The following MTF1 variants were observed in gnomAD, a reference collection of about 807,000 sequenced individuals.
MTF1 encodes metal regulatory transcription factor 1.
A neutral mutation model predicts 70.4 loss-of-function variants in MTF1; 22 were observed. The ratio of observed to expected loss-of-function variants is 0.31; its 90% CI spans 0.22 to 0.45. The LOEUF (loss-of-function observed/expected upper bound fraction) is 0.45. Among genes scored for constraint, MTF1 ranks in the 20% least tolerant of loss-of-function variants. The pLI is 1.00. For missense variants in MTF1, 649 were observed against 922.0 expected, an observed-to-expected ratio of 0.70 and a Z score of 3.83; for synonymous variants, 333 against 352.8, an observed-to-expected ratio of 0.94 and a Z score of 0.63.
At chr1:37,856,170 C>CTTTTTTTTT (rs869062644) in intron 2 of MTF1, among the ~76,000 whole-genome samples, 6 of 74,156 alleles carry the variant, frequency 8.1e-5, no homozygotes, top group East Asian at 4.5e-4. Flanking sequence ...CCTGAATTTC[C>CTTTTTTTTT]TTTTTTTTTT....
At chr1:37,838,377 T>C (rs1641202432) in intron 4 of MTF1, among the ~76,000 whole-genome samples, 1 of 152,130 alleles carries the variant, frequency 6.6e-6, no homozygotes, top group South Asian at 2.1e-4. Flanking sequence ...TTTCAACAAA[T>C]GCTTCTTGGA....
Position 37,815,221 on chromosome 1 carries a change from A to T in MTF1, c.2177T>A (p.Leu726Gln). 1 of 1,614,152 alleles carries T rather than the reference A, an allele frequency of 6.2e-7. No individual in the cohort carries two copies. The highest frequency in any genetic ancestry group is 8.5e-7 in the Non-Finnish European group (1 of 1,180,032). Reference sequence around the variant, plus strand: ...GGGAATCAGATTGGACGGGGTGTCCAGGCTCTGGAGGGATAGAAACTCTGA... The same window carrying T: ...GGGAATCAGATTGGACGGGGTGTCCTGGCTCTGGAGGGATAGAAACTCTGA... ...DVSEFLSLQS[L>Q]DTPSNLIPIE... Residue 726 changes from leucine to glutamine, a missense_variant, in exon 11 of 11, where the codon CTG (leucine) becomes CAG (glutamine). By Grantham distance (113) the Leu-to-Gln change is moderately radical. This residue lies in a region of MTF1 where 138 missense variants were observed against 134.4 expected (regional missense o/e 1.03). Coordinates refer to ENST00000373036, the MANE Select transcript of MTF1 (RefSeq NM_005955.3). This position sits in a 1 kb window ranked among gnomAD's most constrained non-coding sequence, Gnocchi z 4.5.
At chr1:37,831,071 T>C (rs1330001342) in intron 7 of MTF1, among the ~76,000 whole-genome samples, 1 of 152,236 alleles carries the variant, frequency 6.6e-6, no homozygotes, top group East Asian at 1.9e-4. Flanking sequence ...CTTGCAAGCC[T>C]ACCCAGTGCC....
Position 37,822,504 on chromosome 1 carries a change from G to A in MTF1, c.1384C>T (p.Pro462Ser), listed in dbSNP as rs775737738. Residue 462 changes from proline to serine, a missense_variant, in exon 9 of 11, where the codon CCT (proline) becomes TCT (serine). Pro to Ser is a moderately conservative substitution (Grantham distance 74). This residue lies in a region of MTF1 where 267 missense variants were observed against 292.1 expected (regional missense o/e 0.91). Coordinates refer to ENST00000373036, the MANE Select transcript of MTF1 (RefSeq NM_005955.3). ...GSQQAAFGNPPALLQPPEVPV... is the reference protein window; with the variant it reads ...GSQQAAFGNPSALLQPPEVPV... The stretch of plus-strand genomic sequence containing the variant: ...ACTTCTGGAGGTTGTAAGAGAGCAG[G>A]GGGGTTGCCAAATGCAGCTTGCTGG... The A allele has an allele frequency of 1.2e-6, 2 of 1,614,136 alleles. No homozygotes were observed. The highest frequency in any genetic ancestry group is 1.7e-6 in the Non-Finnish European group (2 of 1,180,034).
intron 10 of MTF1, among the ~76,000 whole-genome samples, chr1:37,817,203 A>C (rs1569842804): frequency 6.6e-6 from 1 of 152,248 alleles, no homozygotes; most frequent in Admixed American, 6.5e-5. Context: ...GTTACTAGTT[A>C]AAGAATGTTA....
Position 37,809,998 on chromosome 1 carries a change from T to A in MTF1, c.*5138A>T, listed in dbSNP as rs946621264. On this transcript the variant is annotated 3_prime_UTR_variant, in exon 11 of 11. Coordinates refer to ENST00000373036, the MANE Select transcript of MTF1 (RefSeq NM_005955.3). ...ATCTGAGCCAGAAATTCAGCAAAAA[T>A]CTGTTTCCAGCCACCCTCCCCAAAT... is the stretch of plus-strand genomic sequence containing the variant. 6.6e-6 allele frequency: 1 copy of A among 152,416 alleles called. No homozygotes were observed. The highest frequency in any genetic ancestry group is 2.4e-5 in the African/African-American group (1 of 41,484). The allele number at this position is 152,416 out of a possible 1,614,324, so 9.4% of individuals were successfully genotyped here. A position where few individuals can be genotyped will look rare whatever the true frequency, so the allele number is the denominator to read the frequency against.
chr1:37,815,463 C>G lies in MTF1; in HGVS notation c.1935G>C (p.Arg645=). ...QCACRDSAKE[R]ASSRRKGCSS... ...AGCAGCCCTTTCTCCTGCTGGATGC[C>G]CGCTCCTTTGCAGAGTCCCGGCATG... Residue 645 remains arginine (R), a synonymous_variant, in exon 11 of 11, where the codon CGG becomes CGC. Transcript: ENST00000373036. This position sits in a 1 kb window ranked among gnomAD's most constrained non-coding sequence, Gnocchi z 4.5. 6.2e-7 allele frequency: 1 copy of G among 1,604,994 alleles called. No homozygotes were observed. The highest frequency in any genetic ancestry group is 2.2e-5 in the East Asian group (1 of 44,784).
At chr1:37,817,753 C>T (rs1216339753) in intron 9 of MTF1, among the ~76,000 whole-genome samples, 3 of 152,208 alleles carry the variant, frequency 2.0e-5, no homozygotes, top group Non-Finnish European at 4.4e-5. Flanking sequence ...CCAAAGGCTC[C>T]TCCTCCTCCA....
intron 2 of MTF1, among the ~76,000 whole-genome samples, chr1:37,841,900 T>C (rs747531936): frequency 1.3e-5 from 2 of 151,980 alleles, no homozygotes; most frequent in Non-Finnish European, 2.9e-5. Context: ...CAGCCGAGCA[T>C]GGTGACACAT....
intron 6 of MTF1, among the ~76,000 whole-genome samples, chr1:37,834,404 G>A (rs1261157136): frequency 6.6e-6 from 1 of 150,944 alleles, no homozygotes; most frequent in East Asian, 1.9e-4. Flanking sequence ...TGAGACAGAG[G>A]GTGGGGGCGG....
chr1:37,845,847 T>C (rs1641324111), intron 2 of MTF1, among the ~76,000 whole-genome samples: 1 of 152,134 alleles, frequency 6.6e-6, no homozygotes, highest in South Asian at 2.1e-4. Flanking sequence ...CAGTTGACTG[T>C]CAAAGCAAAT....
At position 37,815,207 on chromosome 1, in the gene MTF1, T is replaced by A. The variant is rs1437169784; in HGVS notation, c.2191A>T (p.Asn731Tyr). 1.9e-6 allele frequency: 3 copies of A among 1,614,046 alleles called. No individual in the cohort carries two copies. Among genetic ancestry groups the A allele is most frequent in the Non-Finnish European group, 2.5e-6 (3 of 1,180,032 alleles). Residue 731 changes from asparagine to tyrosine, a missense_variant, in exon 11 of 11, where the codon AAT becomes TAT. Asn to Tyr is a moderately radical substitution (Grantham distance 143). Coordinates refer to ENST00000373036, the MANE Select transcript of MTF1 (RefSeq NM_005955.3). The surrounding 1 kb of genome is among the most constrained non-coding windows in gnomAD (Gnocchi z 4.5). Reference sequence around the variant, plus strand: ...AGTAGTGCTTCAATGGGAATCAGATTGGACGGGGTGTCCAGGCTCTGGAGG... The same window carrying A: ...AGTAGTGCTTCAATGGGAATCAGATAGGACGGGGTGTCCAGGCTCTGGAGG... The part of the protein sequence containing the change: ...LSLQSLDTPS[N>Y]LIPIEALLQG...
chr1:37,849,607 T>C (rs1641384246), intron 2 of MTF1, among the ~76,000 whole-genome samples: 1 of 152,120 alleles, frequency 6.6e-6, no homozygotes, highest in Non-Finnish European at 1.5e-5. Flanking sequence ...CAGTTAGCCA[T>C]GGAGGATACA....
In MTF1 at chr1:37,811,404, A is replaced by G. The variant is rs1251444493; in HGVS notation, c.*3732T>C. On this transcript the variant is annotated 3_prime_UTR_variant, in exon 11 of 11. Coordinates refer to ENST00000373036, the MANE Select transcript of MTF1 (RefSeq NM_005955.3). ...TGGGACAACGACCATCAAGCTACAC[A>G]TATTGCACCAAGGTAAGTGCTTTTC... 1.3e-5 allele frequency: 2 copies of G among 152,692 alleles called. No individual in the cohort carries two copies. The highest frequency in any genetic ancestry group is 2.9e-5 in the Non-Finnish European group (2 of 68,054). The allele number at this position is 152,692 out of a possible 1,614,324, so 9.5% of individuals were successfully genotyped here.
At chr1:37,818,836 T>C (rs1640863461) in intron 9 of MTF1, among the ~76,000 whole-genome samples, 1 of 146,130 alleles carries the variant, frequency 6.8e-6, no homozygotes, top group African/African-American at 2.6e-5. Context: ...CTACTAAAAA[T>C]ACAAAAATTA....
At chr1:37,841,119 A>G in intron 2 of MTF1, 1 of 164,848 alleles carries the variant, frequency 6.1e-6, no homozygotes. Context: ...CTCGAGGATG[A>G]GCTTTTGAAG....
chr1:37,830,170 C>T (rs1295172495), intron 7 of MTF1, among the ~76,000 whole-genome samples: 1 of 152,100 alleles, frequency 6.6e-6, no homozygotes, highest in East Asian at 1.9e-4. Flanking sequence ...TCTAGACCAC[C>T]CAGTGCAGAA....
rs975461132 is a variant in MTF1, at chr1:37,822,412, C to T, written c.1476G>A (p.Pro492=). ...HQEFLPHPQA[P]QPIVPGLSVV... The stretch of plus-strand genomic sequence containing the variant: ...CAGAAAGTCCTGGTACAATGGGCTG[C>T]GGTGCCTGGGGGTGCGGAAGAAACT... Residue 492 remains proline, a synonymous_variant, in exon 9 of 11, where the codon CCG becomes CCA. Coordinates refer to ENST00000373036, the MANE Select transcript of MTF1 (RefSeq NM_005955.3). 4.3e-6 allele frequency: 7 copies of T among 1,614,060 alleles called. No homozygotes were observed. Among genetic ancestry groups the T allele is most frequent in the Non-Finnish European group, 5.1e-6 (6 of 1,180,006 alleles).
rs59048233 is a variant in MTF1 at position 37,850,566 on chromosome 1, A to AAGAG, written c.408+6681_408+6684dup. ...GAAAGAGAAAAAAAAGGGAGAGAGA[A>AAGAG]AGAGAGAGAGAGAGAGAGAGAGATC... On this transcript the variant is annotated intron_variant, in intron 2 of 10. Transcript: ENST00000373036. 2.3e-3 allele frequency among the ~76,000 whole-genome samples: 331 copies of AAGAG among 146,634 alleles called. 2 individuals are homozygous for AAGAG. The highest frequency in any genetic ancestry group is 7.8e-3 in the African/African-American group (306 of 39,296).
Sources: allele counts gnomAD v4.1 joint callset (sites outside exome capture counted in the v4.1 genomes callset), GRCh38; gene constraint gnomAD v4.1.1; regional missense constraint gnomAD v4.1.1; non-coding constraint Gnocchi (gnomAD v3.1); transcripts MANE v1.5; gene names NCBI Gene and HGNC (gene_info 2026-07-23, HGNC 2026-07-21).